The following TBC1D8 variants were observed in gnomAD, a reference collection of about 807,000 sequenced individuals.
TBC1D8 encodes the protein TBC1 domain family member 8.
In TBC1D8, 65 loss-of-function variants were observed where a neutral mutation model predicts 118.8. That is an observed-to-expected ratio of 0.55 (90% CI 0.45 to 0.67). TBC1D8 has a LOEUF of 0.67. Among genes scored for constraint, TBC1D8 ranks in the 30% least tolerant of loss-of-function variants. The pLI, the probability that TBC1D8 is intolerant of heterozygous loss-of-function variation, is 0.00. For synonymous variants in TBC1D8, 566 were observed against 595.8 expected (o/e 0.95, Z 0.73); for missense variants, 1,376 against 1,471.2 (o/e 0.94, Z 1.06).
chr2:101,133,476 T>A (rs1055699160), intron 1 of TBC1D8, among the ~76,000 whole-genome samples: 8 of 152,132 alleles, frequency 5.3e-5, no homozygotes, highest in Non-Finnish European at 1.0e-4. Flanking sequence ...CTGGATAGCT[T>A]ATAAATAACA....
intron 2 of TBC1D8, among the ~76,000 whole-genome samples, chr2:101,062,205 T>A (rs1682792274): frequency 6.6e-6 from 1 of 152,172 alleles, no homozygotes; most frequent in African/African-American, 2.4e-5. Flanking sequence ...GCACCTGGGG[T>A]AGCCCAGGGC....
rs34465252 is a variant in TBC1D8, at chr2:101,054,672, C to CTTTTTTTTTTTTTTTTTTTTTTTTT, written c.403-361_403-337dup. Among the ~76,000 whole-genome samples the CTTTTTTTTTTTTTTTTTTTTTTTTT allele has an allele frequency of 2.0e-3, 52 of 25,434 alleles. 4 individuals are homozygous for CTTTTTTTTTTTTTTTTTTTTTTTTT. The highest frequency in any genetic ancestry group is 6.2e-3 in the East Asian group (4 of 650). 16.7% of individuals were successfully genotyped at this position (25,434 alleles called of 152,430 possible). On this transcript the variant is annotated intron_variant, in intron 3 of 19. Transcript: ENST00000409318. ...ACAAACAATCATTTTCTTTTCTTTT[C>CTTTTTTTTTTTTTTTTTTTTTTTTT]TTTTTTTTTTTTTTTTTTTTTTTTT...
intron 1 of TBC1D8, among the ~76,000 whole-genome samples, chr2:101,132,265 T>C (rs1678626614): frequency 6.6e-6 from 1 of 152,160 alleles, no homozygotes; most frequent in Non-Finnish European, 1.5e-5. Context: ...CACACACCTT[T>C]TCTAAATCAT....
intron 2 of TBC1D8, among the ~76,000 whole-genome samples, chr2:101,088,290 CTCTT>C (rs1373652006): frequency 6.6e-6 from 1 of 151,844 alleles, no homozygotes; most frequent in Non-Finnish European, 1.5e-5. Context: ...CACTCTCTCT[CTCTT>C]TTCTTTTTTT....
At chr2:101,121,684 G>A (rs1172345367) in intron 1 of TBC1D8, among the ~76,000 whole-genome samples, 5 of 152,204 alleles carry the variant, frequency 3.3e-5, no homozygotes, top group African/African-American at 1.2e-4. Context: ...TATGGATTTG[G>A]GAGGGACACA....
chr2:101,009,947 G>A (rs1390149310), intron 19 of TBC1D8, among the ~76,000 whole-genome samples: 1 of 151,260 alleles, frequency 6.6e-6, no homozygotes, highest in Non-Finnish European at 1.5e-5. Flanking sequence ...TCAGCCTCCC[G>A]AGTAGCTGGG....
intron 11 of TBC1D8, among the ~76,000 whole-genome samples, chr2:101,030,344 C>A (rs1680596459): frequency 6.6e-6 from 1 of 152,158 alleles, no homozygotes; most frequent in Non-Finnish European, 1.5e-5. Flanking sequence ...TAACAACCAA[C>A]CTTTTTTAAA....
intron 11 of TBC1D8, 94 bp downstream of exon 11, chr2:101,032,174 G>A: frequency 8.3e-7 from 1 of 1,203,398 alleles, no homozygotes; most frequent in Non-Finnish European, 1.2e-6. Context: ...GAGTGGCACT[G>A]AGAGATTTTA....
chr2:101,120,459 C>T (rs369385192), intron 1 of TBC1D8, among the ~76,000 whole-genome samples: 6 of 152,204 alleles, frequency 3.9e-5, no homozygotes, highest in African/African-American at 1.2e-4. Flanking sequence ...AGGCTCTCAC[C>T]TGTGTGGCCA....
At chr2:101,035,879 C>T in intron 9 of TBC1D8, 139 bp downstream of exon 9, 2 of 1,060,066 alleles carry the variant, frequency 1.9e-6, no homozygotes, top group Non-Finnish European at 2.7e-6. Flanking sequence ...AGTGGAAGTC[C>T]TCAGCTGGGA....
At chr2:101,038,424 T>C (rs1206851001) in intron 7 of TBC1D8, 37 bp downstream of exon 7, 9 of 1,600,086 alleles carry the variant, frequency 5.6e-6, no homozygotes, top group African/African-American at 1.3e-5. Context: ...GCCTGAGACA[T>C]GAAGAAGGGG....
chr2:101,062,956 T>G (rs1682834697), intron 2 of TBC1D8, among the ~76,000 whole-genome samples: 1 of 152,154 alleles, frequency 6.6e-6, no homozygotes, highest in African/African-American at 2.4e-5. Flanking sequence ...ATTTGAATTT[T>G]TAAGTATCAT....
At chr2:101,131,690 C>T (rs2104258005) in intron 1 of TBC1D8, among the ~76,000 whole-genome samples, 1 of 152,010 alleles carries the variant, frequency 6.6e-6, no homozygotes, top group Non-Finnish European at 1.5e-5. Flanking sequence ...TGGTGGGCGC[C>T]TGTAGTCCCA....
rs750273449 is a variant in TBC1D8 at position 101,022,537 on chromosome 2, G to A, written c.2521-16C>T. 5.7e-6 allele frequency: 9 copies of A among 1,584,430 alleles called. No homozygotes were observed. The Admixed American group carries it at 1.2e-4, about 21-fold the overall frequency. Reference sequence around the variant, plus strand: ...TATGTTCTCTCTTCAAACAAGAGGGGGAAAGGGAGTTCTTACCACTTATTG... The same window carrying A: ...TATGTTCTCTCTTCAAACAAGAGGGAGAAAGGGAGTTCTTACCACTTATTG... On this transcript the variant is annotated splice_polypyrimidine_tract_variant and intron_variant, in intron 15 of 19. Transcript: ENST00000409318.
intron 1 of TBC1D8, among the ~76,000 whole-genome samples, chr2:101,094,324 G>C (rs1344772194): frequency 1.3e-5 from 2 of 152,248 alleles, no homozygotes; most frequent in African/African-American, 4.8e-5. Flanking sequence ...TCAGTGATTA[G>C]GAACATCAGG....
At chr2:101,078,714 C>CA (rs34903828) in intron 2 of TBC1D8, among the ~76,000 whole-genome samples, 35,641 of 79,476 alleles carry the variant, frequency 0.45, 5,601 homozygotes, top group Middle Eastern at 0.51. Flanking sequence ...ATCTTCATAA[C>CA]AAAAAAAAAA....
chr2:101,120,062 A>C (rs1006663809), intron 1 of TBC1D8, among the ~76,000 whole-genome samples: 5 of 152,140 alleles, frequency 3.3e-5, no homozygotes, highest in Non-Finnish European at 7.4e-5. Flanking sequence ...CCATCCCCAC[A>C]GTGCAGAGAG....
intron 1 of TBC1D8, among the ~76,000 whole-genome samples, chr2:101,101,970 C>G (rs962690571): frequency 2.1e-5 from 3 of 144,338 alleles, no homozygotes; most frequent in Non-Finnish European, 3.0e-5. Context: ...ACACATATAC[C>G]TATGTAACAA....
At chr2:101,055,431 T>C (rs993169190) in intron 3 of TBC1D8, among the ~76,000 whole-genome samples, 3 of 152,028 alleles carry the variant, frequency 2.0e-5, no homozygotes, top group Admixed American at 1.3e-4. Context: ...ATCTTCCTTA[T>C]TAGGTTCAAA....
Sources: gnomAD v4.1 joint callset for allele counts (sites outside exome capture counted in the v4.1 genomes callset) on GRCh38, gnomAD v4.1.1 for gene constraint, MANE v1.5 for transcripts, NCBI Gene and HGNC (gene_info 2026-07-23, HGNC 2026-07-21) for gene names.